RBM20: variants seen among roughly 807,000 people sequenced by gnomAD.
The protein encoded by RBM20 is RNA-binding protein 20.
RBM20 carries 51 observed loss-of-function variants against 110.1 expected under a neutral mutation model. The observed-to-expected ratio is 0.46, with a 90% CI of 0.37 to 0.59. The LOEUF (loss-of-function observed/expected upper bound fraction) is 0.59, where lower values mean the gene tolerates loss of function less well. RBM20 is among the 20% of genes least tolerant of loss of function. RBM20 has a pLI of 0.00. For synonymous variants in RBM20, 589 were observed against 618.2 expected (o/e 0.95, Z 0.70); for missense variants, 1,512 against 1,574.9 (o/e 0.96, Z 0.68).
At chr10:110,827,024 A>C (rs746898674) in intron 12 of RBM20, among the ~76,000 whole-genome samples, 5 of 152,130 alleles carry the variant, frequency 3.3e-5, no homozygotes, top group Non-Finnish European at 7.4e-5. Flanking sequence ...TGTATTTGTT[A>C]ATAGTCTTCA....
intron 1 of RBM20, among the ~76,000 whole-genome samples, chr10:110,761,651 G>T (rs1339100948): frequency 1.3e-5 from 2 of 152,172 alleles, no homozygotes; most frequent in Non-Finnish European, 2.9e-5. Flanking sequence ...GTCCCCACAC[G>T]TGGGGTGTAT....
chr10:110,751,287 A>G (rs1843850269), intron 1 of RBM20, among the ~76,000 whole-genome samples: 1 of 152,216 alleles, frequency 6.6e-6, no homozygotes, highest in African/African-American at 2.4e-5. Flanking sequence ...CCTCTTTACC[A>G]CAGGAATGAA....
chr10:110,769,965 T>C (rs1377464555), intron 1 of RBM20, among the ~76,000 whole-genome samples: 1 of 152,184 alleles, frequency 6.6e-6, no homozygotes, highest in East Asian at 1.9e-4. Flanking sequence ...GTGATCCTTC[T>C]GCTGTGGCCT....
chr10:110,833,401 A>AAAAAAAAAAAAAG (rs1845082402), intron 13 of RBM20, among the ~76,000 whole-genome samples: 2 of 149,642 alleles, frequency 1.3e-5, no homozygotes, highest in Admixed American at 1.3e-4. Flanking sequence ...AAAAAAAAAA[A>AAAAAAAAAAAAAG]AAAAAGAAAT....
chr10:110,802,691 G>A (rs566434138), intron 7 of RBM20, among the ~76,000 whole-genome samples: 1 of 152,246 alleles, frequency 6.6e-6, no homozygotes, highest in Non-Finnish European at 1.5e-5. Flanking sequence ...TCAGATGGTC[G>A]AGTTTTGCTT....
At chr10:110,808,473 C>A (rs1411834370) in intron 7 of RBM20, among the ~76,000 whole-genome samples, 1 of 152,178 alleles carries the variant, frequency 6.6e-6, no homozygotes, top group Non-Finnish European at 1.5e-5. Flanking sequence ...CATAAGGGAC[C>A]ATTTGCCAAA....
chr10:110,784,620 C>A (rs1160500180), intron 4 of RBM20, among the ~76,000 whole-genome samples, 172 bp from the exon 5 acceptor site: 1 of 152,232 alleles, frequency 6.6e-6, no homozygotes, highest in Non-Finnish European at 1.5e-5. Flanking sequence ...CTCTGAGATA[C>A]TTGAGACGTA....
At chr10:110,697,280 G>GC (rs1406525807) in intron 1 of RBM20, among the ~76,000 whole-genome samples, 2 of 152,228 alleles carry the variant, frequency 1.3e-5, no homozygotes, top group Non-Finnish European at 2.9e-5. Context: ...CCATGCGTCA[G>GC]TATCCCTGGC....
intron 1 of RBM20, among the ~76,000 whole-genome samples, chr10:110,750,463 G>A (rs918155831): frequency 6.6e-6 from 1 of 152,174 alleles, no homozygotes; most frequent in African/African-American, 2.4e-5. Context: ...TCTCTCTGTG[G>A]GGCAGGTTAC....
chr10:110,705,374 A>G (rs561736993), intron 1 of RBM20, among the ~76,000 whole-genome samples: 2 of 152,360 alleles, frequency 1.3e-5, no homozygotes, highest in South Asian at 4.1e-4. Flanking sequence ...GATCCAATAA[A>G]ATATTTCACA....
At chr10:110,745,190 G>A (rs1590650004) in intron 1 of RBM20, among the ~76,000 whole-genome samples, 1 of 152,204 alleles carries the variant, frequency 6.6e-6, no homozygotes, top group African/African-American at 2.4e-5. Flanking sequence ...AAGTGTCAAG[G>A]CTTGGCCCAG....
chr10:110,652,967 G>C (rs1330908806), intron 1 of RBM20, among the ~76,000 whole-genome samples: 1 of 151,968 alleles, frequency 6.6e-6, no homozygotes, highest in African/African-American at 2.4e-5. Context: ...GTCTCTCCTG[G>C]GCATCTCATG....
chr10:110,766,542 G>C (rs1206656467), intron 1 of RBM20, among the ~76,000 whole-genome samples: 1 of 152,006 alleles, frequency 6.6e-6, no homozygotes, highest in Non-Finnish European at 1.5e-5. Context: ...CGAGCATGCT[G>C]CCTTCAAGCA....
At position 110,673,147 on chromosome 10, in the gene RBM20, G is replaced by A. The variant is rs117754736; in HGVS notation, c.191+28502G>A. Among the ~76,000 whole-genome samples the A allele has an allele frequency of 8.8e-3, 1,342 of 152,260 alleles. 55 individuals are homozygous for A. The highest frequency in any genetic ancestry group is 0.072 in the Admixed American group (1,099 of 15,292). ...TAGTCTCATTATCATAGGGCAGAGT[G>A]AGAATGTTTTTAAGGTTCTTGATAC... is the stretch of plus-strand genomic sequence containing the variant. On this transcript the variant is annotated intron_variant, in intron 1 of 13. Transcript: ENST00000369519.
rs193084245 is a variant in RBM20 at position 110,770,231 on chromosome 10, G to A, written c.192-10570G>A. ...TGTGTTTTAGGAAGTTCTCCTCTCC[G>A]GGTGCCCACCAAAATTTGAATTACT... On this transcript the variant is annotated intron_variant, in intron 1 of 13. Coordinates refer to ENST00000369519, the MANE Select transcript of RBM20 (RefSeq NM_001134363.3). Among the ~76,000 whole-genome samples the A allele has an allele frequency of 6.1e-4, 93 of 152,168 alleles. 1 individual carries two copies. The highest frequency in any genetic ancestry group is 1.8e-3 in the Admixed American group (27 of 15,274).
chr10:110,760,453 T>TTTTG, intron 1 of RBM20, among the ~76,000 whole-genome samples: 1 of 87,908 alleles, frequency 1.1e-5, no homozygotes, highest in African/African-American at 4.6e-5. Context: ...TTTTTTTTTT[T>TTTTG]GGAGACAGGG....
rs1844911556 is a variant in RBM20 at position 110,821,614 on chromosome 10, A to G, written c.2995A>G (p.Met999Val). 1.9e-6 allele frequency: 3 copies of G among 1,551,242 alleles called. No individual in the cohort carries two copies. Among genetic ancestry groups the G allele is most frequent in the South Asian group, 1.2e-5 (1 of 84,062 alleles). Residue 999 changes from methionine to valine, a missense_variant, in exon 11 of 14, where the codon ATG (methionine) becomes GTG (valine). Transcript: ENST00000369519. ...TSCPSDMDVE[M>V]PGLNLDAERK... The stretch of plus-strand genomic sequence containing the variant: ...CTGTCCCAGTGACATGGACGTGGAA[A>G]TGCCTGGCCTAAATCTGGATGCTGA...
In RBM20 at chr10:110,821,944, C is replaced by T. The variant is rs796080099; in HGVS notation, c.3316+9C>T. The T allele has an allele frequency of 2.6e-6, 4 of 1,551,498 alleles. No individual in the cohort carries two copies. Among genetic ancestry groups the T allele is most frequent in the Non-Finnish European group, 3.5e-6 (4 of 1,146,824 alleles). Reference sequence around the variant, plus strand: ...AGAAGTGTTGACCCCGGGTAACTATCTCCCCTTTCCTCACGGGTGGTCGGG... The same window carrying T: ...AGAAGTGTTGACCCCGGGTAACTATTTCCCCTTTCCTCACGGGTGGTCGGG... On this transcript the variant is annotated intron_variant, in intron 11 of 13. Coordinates refer to ENST00000369519, the MANE Select transcript of RBM20 (RefSeq NM_001134363.3).
intron 1 of RBM20, among the ~76,000 whole-genome samples, chr10:110,780,101 GT>G (rs1564843435): frequency 6.6e-6 from 1 of 152,122 alleles, no homozygotes; most frequent in East Asian, 1.9e-4. Context: ...GAGATTTATC[GT>G]ATTGGAATGC....
Sources: gnomAD v4.1 joint callset for allele counts (sites outside exome capture counted in the v4.1 genomes callset) on GRCh38, gnomAD v4.1.1 for gene constraint, MANE v1.5 for transcripts, NCBI Gene and HGNC (gene_info 2026-07-23, HGNC 2026-07-21) for gene names.